Variants in MMD2 observed in about 807,000 individuals in gnomAD.
MMD2 encodes the protein monocyte to macrophage differentiation associated 2, also known as monocyte to macrophage differentiation factor 2.
MMD2 carries 30 observed loss-of-function variants against 33.5 expected under a neutral mutation model. That is an observed-to-expected ratio of 0.90 (90% CI 0.67 to 1.22). The LOEUF (loss-of-function observed/expected upper bound fraction) is 1.22. MMD2 is among the 50% of genes most tolerant of loss of function. MMD2 has a pLI of 0.00. For synonymous variants in MMD2, 129 were observed against 123.0 expected (o/e 1.05, Z -0.32); for missense variants, 364 against 325.4 (o/e 1.12, Z -0.91).
intron 1 of MMD2, among the ~76,000 whole-genome samples, chr7:4,938,300 C>T (rs888917571): frequency 1.4e-4 from 22 of 152,018 alleles, no homozygotes; most frequent in Non-Finnish European, 2.8e-4. Context: ...TGAGCCACCA[C>T]GCCCGGCCCA....
At chr7:4,923,878 G>A (rs778161947) in intron 2 of MMD2, among the ~76,000 whole-genome samples, 2 of 152,026 alleles carry the variant, frequency 1.3e-5, no homozygotes, top group African/African-American at 4.8e-5. Flanking sequence ...GGCTGGGCAC[G>A]GCGGCTCATA....
At chr7:4,895,551 T>C in the MMD2 span, among the ~76,000 whole-genome samples, 3 of 151,978 alleles carry the variant, frequency 2.0e-5, no homozygotes, top group Non-Finnish European at 4.4e-5. Flanking sequence ...TCTTTTCTTT[T>C]TTTGAGACGG....
intron 1 of MMD2, among the ~76,000 whole-genome samples, chr7:4,954,584 ATTGT>A (rs1786334420): frequency 6.6e-6 from 1 of 151,780 alleles, no homozygotes; most frequent in Non-Finnish European, 1.5e-5. Context: ...TGCCCAGCTA[ATTGT>A]TTGTATTTTT....
rs969601918 is a variant in MMD2 at position 4,906,520 on chromosome 7, G to A, written c.*876C>T. The A allele has an allele frequency of 3.8e-4, 152 of 398,530 alleles. 2 individuals carry two copies. Among genetic ancestry groups the A allele is most frequent in the Middle Eastern group, 2.5e-3 (4 of 1,610 alleles). 24.7% of individuals were successfully genotyped at this position (398,530 alleles called of 1,614,324 possible). A position where few individuals can be genotyped will look rare whatever the true frequency, so the allele number is the denominator to read the frequency against. The stretch of plus-strand genomic sequence containing the variant: ...CCCATCTTATGAATGAATAGCTCTC[G>A]TAATGTCTCTGGATTTTTGGAGATG... On this transcript the variant is annotated 3_prime_UTR_variant, in exon 7 of 7. Transcript: ENST00000401401.
chr7:4,944,762 T>TA (rs1278480115), intron 1 of MMD2, among the ~76,000 whole-genome samples: 14 of 57,006 alleles, frequency 2.5e-4, no homozygotes, highest in African/African-American at 1.2e-3. Context: ...TTCTTCTTCT[T>TA]TTTTTTTTTT....
intron 1 of MMD2, among the ~76,000 whole-genome samples, chr7:4,952,367 T>C (rs146737052): frequency 6.6e-6 from 1 of 152,268 alleles, no homozygotes; most frequent in East Asian, 1.9e-4. Flanking sequence ...TCCAGGTAAA[T>C]CTCACTTCCT....
rs1471193027 is a variant in MMD2 at position 4,907,453 on chromosome 7, A to C, written c.684T>G (p.Tyr228Ter). ...FVAFGAGTHY[Y>*]AIWRYLYLPS... Reference sequence around the variant, plus strand: ...GCAGATAGAGGTACCTCCAGATGGCATAGTAGTGGGTACCAGCACCAAATG... The same window carrying C: ...GCAGATAGAGGTACCTCCAGATGGCCTAGTAGTGGGTACCAGCACCAAATG... The change falls in exon 7 of 7, where the codon TAT (tyrosine) becomes TAG (stop). Residue 228 changes from tyrosine to a stop codon, truncating the protein, a stop_gained. Coordinates refer to ENST00000401401, the MANE Select transcript of MMD2 (RefSeq NM_198403.4). LOFTEE classifies it high-confidence loss of function. 1 of 1,614,016 alleles carries C rather than the reference A, an allele frequency of 6.2e-7. No individual in the cohort carries two copies. Among genetic ancestry groups the C allele is most frequent in the Admixed American group, 1.7e-5 (1 of 60,028 alleles).
chr7:4,918,792 A>ATT (rs879608584), intron 3 of MMD2, among the ~76,000 whole-genome samples: 1 of 146,016 alleles, frequency 6.8e-6, no homozygotes, highest in African/African-American at 2.5e-5. Flanking sequence ...CTGGCCTGTA[A>ATT]TTTTTTTTTT....
chr7:4,914,918 A>T (rs932258452), intron 4 of MMD2, among the ~76,000 whole-genome samples: 4 of 152,100 alleles, frequency 2.6e-5, no homozygotes, highest in African/African-American at 7.2e-5. Context: ...GCAACAGAAC[A>T]AGACTCCATC....
At chr7:4,895,769 C>G in the MMD2 span, among the ~76,000 whole-genome samples, 2 of 151,708 alleles carry the variant, frequency 1.3e-5, no homozygotes, top group Non-Finnish European at 2.9e-5. Flanking sequence ...CTCCTGACCT[C>G]GTGATCTGCC....
intron 4 of MMD2, among the ~76,000 whole-genome samples, chr7:4,912,792 G>A (rs947641052): frequency 4.0e-5 from 6 of 151,824 alleles, no homozygotes; most frequent in Non-Finnish European, 8.8e-5. Context: ...TGCACCCTTC[G>A]CCTCCCGGGT....
intron 3 of MMD2, among the ~76,000 whole-genome samples, chr7:4,918,322 A>G (rs1785190797): frequency 6.6e-6 from 1 of 152,186 alleles, no homozygotes; most frequent in Non-Finnish European, 1.5e-5. Context: ...AATTTGACTA[A>G]TGATTGTATG....
the MMD2 span, among the ~76,000 whole-genome samples, chr7:4,894,078 G>T: frequency 1.5e-4 from 23 of 152,212 alleles, no homozygotes; most frequent in African/African-American, 5.1e-4. The surrounding 1 kb of genome is among the most constrained non-coding windows in gnomAD (Gnocchi z 4.3). Context: ...GTAGATCTCA[G>T]TCTTTTTTAC....
intron 2 of MMD2, among the ~76,000 whole-genome samples, chr7:4,921,589 C>G (rs1224870228): frequency 6.7e-6 from 1 of 149,790 alleles, no homozygotes; most frequent in Non-Finnish European, 1.5e-5. Context: ...CCACTGCACT[C>G]CAGCCTGGGC....
intron 2 of MMD2, among the ~76,000 whole-genome samples, chr7:4,925,103 G>C (rs768253708): frequency 4.6e-5 from 7 of 152,070 alleles, no homozygotes; most frequent in Non-Finnish European, 8.8e-5. Flanking sequence ...GCTAATTTTT[G>C]TAGTTTTAGT....
chr7:4,911,394 CG>C (rs924728682), intron 4 of MMD2, 148 bp from the exon 5 acceptor site: 1 of 607,958 alleles, frequency 1.6e-6, no homozygotes, highest in African/African-American at 1.9e-5. Flanking sequence ...CACAGGAAGA[CG>C]GGTGAACAGG....
intron 1 of MMD2, among the ~76,000 whole-genome samples, chr7:4,948,499 A>T (rs1405506735): frequency 6.6e-6 from 1 of 151,922 alleles, no homozygotes; most frequent in African/African-American, 2.4e-5. Flanking sequence ...CTCCAGACTG[A>T]ATGACAAGAG....
chr7:4,939,026 G>C (rs1371897497), intron 1 of MMD2, among the ~76,000 whole-genome samples: 1 of 151,956 alleles, frequency 6.6e-6, no homozygotes, highest in East Asian at 1.9e-4. Flanking sequence ...TGGCCAACAT[G>C]GTGAAACCCC....
At chr7:4,947,393 A>G (rs1403355271) in intron 1 of MMD2, among the ~76,000 whole-genome samples, 3 of 83,066 alleles carry the variant, frequency 3.6e-5, no homozygotes. Context: ...GAGGGGTGCT[A>G]TGCACTTTTT....
Sources: allele counts gnomAD v4.1 joint callset (sites outside exome capture counted in the v4.1 genomes callset), GRCh38; gene constraint gnomAD v4.1.1; non-coding constraint Gnocchi (gnomAD v3.1); transcripts MANE v1.5; gene names NCBI Gene and HGNC (gene_info 2026-07-23, HGNC 2026-07-21).